The following LAMP2 variants were observed in gnomAD, a reference collection of about 807,000 sequenced individuals.
LAMP2 encodes the protein lysosome-associated membrane glycoprotein 2.
A neutral mutation model predicts 25.6 loss-of-function variants in LAMP2; 4 were observed. The ratio of observed to expected loss-of-function variants is 0.16; its 90% CI spans 0.08 to 0.36. LAMP2 has a LOEUF of 0.36. Among genes scored for constraint, LAMP2 ranks in the 10% least tolerant of loss-of-function variants. The pLI, the probability that LAMP2 is intolerant of heterozygous loss-of-function variation, is 1.00. For synonymous variants in LAMP2, 108 were observed against 112.7 expected (o/e 0.96, Z 0.27); for missense variants, 272 against 301.4 (o/e 0.90, Z 0.72).
At chrX:120,437,589 A>C (rs1190482458) in intron 8 of LAMP2, 11 of 749,274 alleles carry the variant, frequency 1.5e-5, no homozygotes, top group Non-Finnish European at 1.7e-5. Flanking sequence ...TTTCTCCTAT[A>C]AACATTAGGT....
intron 1 of LAMP2, 134 bp from the exon 2 acceptor site, chrX:120,456,903 CATACATATATATACATATATGTGTAT>C: frequency 2.5e-6 from 1 of 392,778 alleles, no homozygotes; most frequent in Non-Finnish European, 4.5e-6. Flanking sequence ...TATATATACA[CATACATATATATACATATATGTGTAT>C]ATACATATAT....
At chrX:120,456,623 T>C in intron 2 of LAMP2, 28 bp downstream of exon 2, 6 of 794,542 alleles carry the variant, frequency 7.6e-6, no homozygotes, top group Non-Finnish European at 1.1e-5. Context: ...ACTATAAAAC[T>C]CAAAGAAAAA....
In LAMP2 at chrX:120,429,990, C is replaced by A. The variant is rs2058516099; in HGVS notation, c.*1333G>T. ...TTGCTACGGTTCTGAGTACACAACA[C>A]TCATCTCAGTAACCACACATTAGCC... On this transcript the variant is annotated 3_prime_UTR_variant, in exon 9 of 9. Transcript: ENST00000200639. 1 of 752,642 alleles carries A rather than the reference C, an allele frequency of 1.3e-6. No homozygotes were observed. 62.0% of individuals were successfully genotyped at this position (752,642 alleles called of 1,213,427 possible). A position where few individuals can be genotyped will look rare whatever the true frequency, so the allele number is the denominator to read the frequency against.
In LAMP2 at chrX:120,428,418, T is replaced by C. The variant is rs954998938; in HGVS notation, c.*2905A>G. On this transcript the variant is annotated 3_prime_UTR_variant, in exon 9 of 9. Transcript: ENST00000200639. ...AAACAATCTATTGCACAGCATGTCC[T>C]GGCTTTTAGCCAATGGAAACGTAAC... 1.8e-6 allele frequency: 2 copies of C among 1,124,252 alleles called. No homozygotes were observed. The highest frequency in any genetic ancestry group is 6.5e-5 in the East Asian group (2 of 30,735). 92.7% of individuals were successfully genotyped at this position (1,124,252 alleles called of 1,213,427 possible). A position where few individuals can be genotyped will look rare whatever the true frequency, so the allele number is the denominator to read the frequency against.
Position 120,429,126 on chromosome X carries a change from A to ATG in LAMP2, c.*2196_*2197insCA, listed in dbSNP as rs1197985068. On this transcript the variant is annotated 3_prime_UTR_variant, in exon 9 of 9. Transcript: ENST00000200639. The stretch of plus-strand genomic sequence containing the variant: ...TGTATATATATGTATATGTGTATAT[A>ATG]TATGTGTGTGTGTATATATATGTGT... The ATG allele has an allele frequency of 1.6e-6, 1 of 644,648 alleles. No homozygotes were observed. Among genetic ancestry groups the ATG allele is most frequent in the African/African-American group, 2.7e-5 (1 of 37,173 alleles). 53.1% of individuals were successfully genotyped at this position (644,648 alleles called of 1,213,427 possible).
intron 3 of LAMP2, among the ~76,000 whole-genome samples, chrX:120,450,009 T>A (rs2058614529): frequency 8.9e-6 from 1 of 111,938 alleles, no homozygotes; most frequent in South Asian, 3.7e-4. Context: ...TTAGTGACTA[T>A]AACTAAAGAA....
chrX:120,431,539 A>G (rs1024746988), intron 8 of LAMP2, 77 bp from the exon 9 acceptor site: 5 of 984,055 alleles, frequency 5.1e-6, no homozygotes, highest in Admixed American at 4.4e-5. Flanking sequence ...GTAAAATGAC[A>G]GCACTTCCTA....
Position 120,437,108 on chromosome X carries a change from GT to G in LAMP2, c.1093+4621del, listed in dbSNP as rs983738145. ...CATCTATATTTAATCCCTAAGAAGT[GT>G]TTTAAGCTGGTAATGCAGCTCGCTG... is the stretch of plus-strand genomic sequence containing the variant. On this transcript the variant is annotated intron_variant, in intron 8 of 8. Transcript: ENST00000200639. The G allele has an allele frequency of 1.9e-5, 14 of 746,278 alleles. No homozygotes were observed. In the Middle Eastern group the frequency reaches 2.3e-3, roughly 122 times the overall value. 61.5% of individuals were successfully genotyped at this position (746,278 alleles called of 1,213,427 possible). A position where few individuals can be genotyped will look rare whatever the true frequency, so the allele number is the denominator to read the frequency against.
At chrX:120,456,865 C>A in intron 1 of LAMP2, 96 bp from the exon 2 acceptor site, 1 of 472,425 alleles carries the variant, frequency 2.1e-6, no homozygotes, top group South Asian at 3.4e-5. Flanking sequence ...TCAACCAGCT[C>A]TAAAATGAAA....
At chrX:120,434,911 T>C (rs1447280980) in intron 8 of LAMP2, among the ~76,000 whole-genome samples, 1 of 111,609 alleles carries the variant, frequency 9.0e-6, no homozygotes, top group Non-Finnish European at 1.9e-5. Flanking sequence ...GGCAGATCAC[T>C]TGAGGTCAGG....
chrX:120,452,091 G>A (rs2058623621), intron 3 of LAMP2, among the ~76,000 whole-genome samples: 1 of 110,517 alleles, frequency 9.0e-6, no homozygotes. Context: ...TCTGCTTGTA[G>A]CCTCCTCACT....
intron 3 of LAMP2, among the ~76,000 whole-genome samples, chrX:120,452,078 A>G (rs958119427): frequency 2.7e-5 from 3 of 110,790 alleles, no homozygotes; most frequent in African/African-American, 9.9e-5. Flanking sequence ...TTAAGCCAGC[A>G]TCTCTGCTTG....
rs1045953 is a variant in LAMP2, at chrX:120,426,652, G to A, written c.*4671C>T. ...AATTTTGAATGTATCTGAATTTCCA[G>A]TTTATATGCTTAGCAAGGTCACAAG... On this transcript the variant is annotated 3_prime_UTR_variant, in exon 9 of 9. Coordinates refer to ENST00000200639, the MANE Select transcript of LAMP2 (RefSeq NM_002294.3). 0.091 allele frequency among the ~76,000 whole-genome samples: 10,127 copies of A among 111,271 alleles called. 1,115 individuals carry two copies. Among genetic ancestry groups the A allele is most frequent in the African/African-American group, 0.31 (9,391 of 30,437 alleles).
At chrX:120,433,882 C>T (rs187544455) in intron 8 of LAMP2, among the ~76,000 whole-genome samples, 97 of 111,893 alleles carry the variant, frequency 8.7e-4, no homozygotes, top group Admixed American at 1.9e-3. Context: ...AAGCTTTCCC[C>T]GCCGCCCCCA....
At chrX:120,452,584 C>G (rs1404566272) in intron 3 of LAMP2, among the ~76,000 whole-genome samples, 1 of 104,412 alleles carries the variant, frequency 9.6e-6, no homozygotes, top group African/African-American at 3.6e-5. Flanking sequence ...GTCTCTCTCT[C>G]TCTGTCACCC....
intron 3 of LAMP2, among the ~76,000 whole-genome samples, chrX:120,453,552 G>A (rs1056211585): frequency 6.2e-5 from 7 of 112,489 alleles, no homozygotes; most frequent in Non-Finnish European, 1.3e-4. Context: ...GCTCACGCCT[G>A]TAATCCCAGC....
In LAMP2 at chrX:120,430,244, A is replaced by C; in HGVS notation, c.*1079T>G. 12 of 754,671 alleles carry C rather than the reference A, an allele frequency of 1.6e-5. No homozygotes were observed. The highest frequency in any genetic ancestry group is 1.9e-5 in the Non-Finnish European group (12 of 639,339). 62.2% of individuals were successfully genotyped at this position (754,671 alleles called of 1,213,427 possible). A position where few individuals can be genotyped will look rare whatever the true frequency, so the allele number is the denominator to read the frequency against. ...ACTCTTATACCATGGAATATGCTTCAACAAGGGCTGATTATCTAGCTCATT... is the reference window on the plus strand; with the variant it reads ...ACTCTTATACCATGGAATATGCTTCCACAAGGGCTGATTATCTAGCTCATT... On this transcript the variant is annotated 3_prime_UTR_variant, in exon 9 of 9. Transcript: ENST00000200639.
intron 5 of LAMP2, 32 bp from the exon 6 acceptor site, chrX:120,446,459 G>C (rs1267911367): frequency 8.3e-7 from 1 of 1,204,512 alleles, no homozygotes; most frequent in Admixed American, 2.2e-5. Context: ...AAAAGGTACA[G>C]GTTAGCTATA....
At chrX:120,435,598 T>C (rs1468132819) in intron 8 of LAMP2, among the ~76,000 whole-genome samples, 1 of 112,073 alleles carries the variant, frequency 8.9e-6, no homozygotes, top group Non-Finnish European at 1.9e-5. Flanking sequence ...CTAAGATGTA[T>C]GAAATACTAT....
Sources: allele counts gnomAD v4.1 joint callset (sites outside exome capture counted in the v4.1 genomes callset), GRCh38; gene constraint gnomAD v4.1.1; transcripts MANE v1.5; gene names NCBI Gene and HGNC (gene_info 2026-07-23, HGNC 2026-07-21).